The following COL11A1 variants were observed in gnomAD, a reference collection of about 807,000 sequenced individuals.
COL11A1 encodes the protein collagen alpha-1(XI) chain.
In COL11A1, 74 loss-of-function variants were observed where a neutral mutation model predicts 265.2. That is an observed-to-expected ratio of 0.28 (90% CI 0.23 to 0.34). COL11A1 has a LOEUF of 0.34. COL11A1 is among the 10% of genes least tolerant of loss of function. COL11A1 has a pLI of 1.00. For synonymous variants in COL11A1, 816 were observed against 727.6 expected, an observed-to-expected ratio of 1.12 and a Z score of -1.96; for missense variants, 2,165 against 2,263.6, an observed-to-expected ratio of 0.96 and a Z score of 0.88.
chr1:102,881,616 T>C (rs1650253278), intron 65 of COL11A1, 81 bp downstream of exon 65: 1 of 1,139,500 alleles, frequency 8.8e-7, no homozygotes, highest in Non-Finnish European at 1.3e-6. Flanking sequence ...AGACTTTCAC[T>C]GTTAAAGTCC....
At chr1:102,991,834 A>AT (rs5776670) in intron 28 of COL11A1, among the ~76,000 whole-genome samples, 3,375 of 142,302 alleles carry the variant, frequency 0.024, 52 homozygotes, top group Middle Eastern at 0.08. Flanking sequence ...CATGCCAGGA[A>AT]TTTTTTTTTT....
At chr1:103,026,413 TAC>T in intron 5 of COL11A1, 81 bp from the exon 6 acceptor site, 2 of 893,004 alleles carry the variant, frequency 2.2e-6, no homozygotes, top group South Asian at 2.6e-5. Context: ...TCTTAACTTT[TAC>T]ATAGTGTAAA....
chr1:103,039,948 T>C (rs1235867156), intron 4 of COL11A1, among the ~76,000 whole-genome samples: 2 of 152,084 alleles, frequency 1.3e-5, no homozygotes, highest in Admixed American at 1.3e-4. Context: ...TCAGAAGTTA[T>C]ACACCTGACA....
chr1:103,095,306 T>A (rs569421784), intron 1 of COL11A1, among the ~76,000 whole-genome samples: 1 of 152,070 alleles, frequency 6.6e-6, no homozygotes, highest in South Asian at 2.1e-4. Context: ...TAACACAAAC[T>A]CAGTATCTTT....
At chr1:103,097,170 C>T (rs562565843) in intron 1 of COL11A1, among the ~76,000 whole-genome samples, 2 of 152,112 alleles carry the variant, frequency 1.3e-5, no homozygotes, top group Admixed American at 6.6e-5. Flanking sequence ...TATGCACTGA[C>T]CCTGCTAACT....
chr1:103,020,200 C>T (rs1223012241), intron 9 of COL11A1, among the ~76,000 whole-genome samples: 1 of 151,088 alleles, frequency 6.6e-6, no homozygotes, highest in Non-Finnish European at 1.5e-5. Flanking sequence ...TTTACAGTCC[C>T]ACCAACAGTG....
At chr1:102,929,490 T>G (rs975157280) in intron 46 of COL11A1, among the ~76,000 whole-genome samples, 1 of 152,146 alleles carries the variant, frequency 6.6e-6, no homozygotes, top group Admixed American at 6.5e-5. Flanking sequence ...TTTTGGTTAC[T>G]GTAGCCTTGT....
rs1217203561 is a variant in COL11A1, at chr1:102,888,807, G to T, written c.4519-49C>A. 3.1e-6 allele frequency: 5 copies of T among 1,612,554 alleles called. 1 individual carries two copies. The South Asian group carries it at 5.5e-5, about 18-fold the overall frequency. On this transcript the variant is annotated intron_variant, in intron 60 of 66. Coordinates refer to ENST00000370096, the MANE Select transcript of COL11A1 (RefSeq NM_001854.4). ...ACAGATAAAAATCTGGAGCATTTGTGTCTCTGTTATATTTGTAACTTAACC... is the reference window on the plus strand; with the variant it reads ...ACAGATAAAAATCTGGAGCATTTGTTTCTCTGTTATATTTGTAACTTAACC...
chr1:103,070,535 T>C (rs899551901), intron 4 of COL11A1, among the ~76,000 whole-genome samples: 1 of 151,832 alleles, frequency 6.6e-6, no homozygotes, highest in Admixed American at 6.6e-5. Context: ...TTCATGATTG[T>C]CTGGGGTTAG....
chr1:102,901,434 A>C (rs998745027), intron 54 of COL11A1, among the ~76,000 whole-genome samples: 6 of 151,774 alleles, frequency 4.0e-5, no homozygotes, highest in Admixed American at 6.6e-5. Flanking sequence ...AAATGTGGCC[A>C]CTCAATCTTG....
At chr1:102,882,809 T>C (rs1298999232) in intron 64 of COL11A1, among the ~76,000 whole-genome samples, 1 of 152,198 alleles carries the variant, frequency 6.6e-6, no homozygotes, top group Non-Finnish European at 1.5e-5. Flanking sequence ...AAAAGACTTG[T>C]ATATAAAAGT....
Position 102,947,013 on chromosome 1 carries a change from A to G in COL11A1, c.3169-57T>C, listed in dbSNP as rs542085935. ...TAAAGAAAGTAATACTGGCTTAAGAATCACTTATTTAACAATAGCTTCTTA... is the reference window on the plus strand; with the variant it reads ...TAAAGAAAGTAATACTGGCTTAAGAGTCACTTATTTAACAATAGCTTCTTA... On this transcript the variant is annotated intron_variant, in intron 41 of 66. Coordinates refer to ENST00000370096, the MANE Select transcript of COL11A1 (RefSeq NM_001854.4). 10 of 1,359,356 alleles carry G rather than the reference A, an allele frequency of 7.4e-6. No individual in the cohort carries two copies. In the South Asian group the frequency reaches 8.6e-5, roughly 12 times the overall value. 84.2% of individuals were successfully genotyped at this position (1,359,356 alleles called of 1,614,324 possible). A position where few individuals can be genotyped will look rare whatever the true frequency, so the allele number is the denominator to read the frequency against.
intron 55 of COL11A1, 21 bp from the exon 56 acceptor site, chr1:102,898,794 G>A: frequency 6.3e-7 from 1 of 1,596,914 alleles, no homozygotes; most frequent in South Asian, 1.1e-5. Context: ...GTAAAATATG[G>A]GAGCACATTA....
intron 20 of COL11A1, 55 bp from the exon 21 acceptor site, chr1:103,003,323 CAT>C: frequency 6.7e-7 from 1 of 1,498,760 alleles, no homozygotes; most frequent in Non-Finnish European, 9.2e-7. Flanking sequence ...GTCCTAATAA[CAT>C]GCCTCTTTCA....
intron 57 of COL11A1, among the ~76,000 whole-genome samples, chr1:102,896,304 T>C (rs1652422400): frequency 6.6e-6 from 1 of 151,760 alleles, no homozygotes; most frequent in Non-Finnish European, 1.5e-5. Context: ...CTAGAGTCGA[T>C]AACCTTAACT....
intron 41 of COL11A1, among the ~76,000 whole-genome samples, chr1:102,960,487 TGGG>T (rs36115713): frequency 1.7e-5 from 2 of 119,738 alleles, no homozygotes; most frequent in Non-Finnish European, 3.7e-5. Context: ...GGTGTGTGTG[TGGG>T]GGGGGGAATT....
Position 102,962,741 on chromosome 1 carries a change from C to G in COL11A1, c.2936G>C (p.Gly979Ala). Residue 979 changes from glycine to alanine, a missense_variant, in exon 39 of 67, where the codon GGT (glycine) becomes GCT (alanine). Transcript: ENST00000370096. ...AGGATGCCCACGTTCCCCTATTGGACCAGTCTCACCGGTTGGTCCCTAAAT... is the reference window on the plus strand; with the variant it reads ...AGGATGCCCACGTTCCCCTATTGGAGCAGTCTCACCGGTTGGTCCCTAAAT... ...VGPQGPTGET[G>A]PIGERGHPGP... 1 of 1,614,112 alleles carries G rather than the reference C, an allele frequency of 6.2e-7. No individual in the cohort carries two copies. The highest frequency in any genetic ancestry group is 8.5e-7 in the Non-Finnish European group (1 of 1,179,986).
intron 46 of COL11A1, among the ~76,000 whole-genome samples, chr1:102,924,358 A>T (rs4908274): frequency 0.53 from 80,967 of 152,140 alleles, 25,832 homozygotes; most frequent in East Asian, 0.77. Context: ...CTATGTCTTC[A>T]CCGAAAAATT....
chr1:103,054,952 G>A (rs1030537886), intron 4 of COL11A1, among the ~76,000 whole-genome samples: 3 of 151,966 alleles, frequency 2.0e-5, no homozygotes, highest in African/African-American at 7.2e-5. Flanking sequence ...ACTCAATACT[G>A]CAACACACAG....
Sources: gnomAD v4.1 joint callset for allele counts (sites outside exome capture counted in the v4.1 genomes callset) on GRCh38, gnomAD v4.1.1 for gene constraint, MANE v1.5 for transcripts, NCBI Gene and HGNC (gene_info 2026-07-23, HGNC 2026-07-21) for gene names.